Variants in DNAH9 observed in about 807,000 individuals in gnomAD.
The protein encoded by DNAH9 is DNAH9 variant protein.
A neutral mutation model predicts 471.6 loss-of-function variants in DNAH9; 345 were observed. That is an observed-to-expected ratio of 0.73 (90% confidence interval 0.67 to 0.80). The LOEUF (loss-of-function observed/expected upper bound fraction) is 0.80, where lower values mean the gene tolerates loss of function less well. Among genes scored for constraint, DNAH9 ranks in the 30% least tolerant of loss-of-function variants. The pLI is 0.00. For synonymous variants in DNAH9, 2,093 were observed against 2,123.6 expected, an observed-to-expected ratio of 0.99 and a Z score of 0.40; for missense variants, 5,407 against 5,609.2, an observed-to-expected ratio of 0.96 and a Z score of 1.15.
chr17:11,719,367 G>C lies in DNAH9; in HGVS notation c.5586G>C (p.Leu1862=). 6.2e-7 allele frequency: 1 copy of C among 1,614,102 alleles called. No homozygotes were observed. The highest frequency in any genetic ancestry group is 2.2e-5 in the East Asian group (1 of 44,860). The change falls in exon 27 of 69, where the codon CTG becomes CTC. Residue 1862 remains leucine, a synonymous_variant. Transcript: ENST00000262442. ...TCACCCTCACCCAGTCCCTGCACCT[G>C]ACCATGAGTGGGGCTCCCGCAGGAC... ...CYITLTQSLH[L]TMSGAPAGPA... is the part of the protein sequence containing the mutation.
At chr17:11,676,275 C>CTTTTTTTTTTTTTTTT (rs67397847) in intron 17 of DNAH9, among the ~76,000 whole-genome samples, 12 of 73,900 alleles carry the variant, frequency 1.6e-4, no homozygotes, top group Admixed American at 4.0e-4. Context: ...CATTTCTGTT[C>CTTTTTTTTTTTTTTTT]TTTTTTTTTT....
intron 51 of DNAH9, 73 bp from the exon 52 acceptor site, chr17:11,871,525 C>T: frequency 2.1e-6 from 3 of 1,415,618 alleles, no homozygotes; most frequent in Non-Finnish European, 3.0e-6. Context: ...CGGGCGCTCT[C>T]CATGATGGAA....
chr17:11,724,277 A>G (rs747041780), intron 27 of DNAH9, among the ~76,000 whole-genome samples: 8 of 152,126 alleles, frequency 5.3e-5, no homozygotes, highest in Admixed American at 1.3e-4. Flanking sequence ...GTTGAACACT[A>G]TAACTTATTT....
In DNAH9 at chr17:11,750,943, T is replaced by A. The variant is rs528346372; in HGVS notation, c.6611-1890T>A. 3.3e-5 allele frequency among the ~76,000 whole-genome samples: 5 copies of A among 152,020 alleles called. No individual in the cohort carries two copies. In the South Asian group the frequency reaches 1.0e-3, roughly 32 times the overall value. On this transcript the variant is annotated intron_variant, in intron 32 of 68. Transcript: ENST00000262442. ...CTAGGAGGAACACAAACAGATTATA[T>A]AAAAGATAAATAAATGTAAATATTG...
intron 50 of DNAH9, among the ~76,000 whole-genome samples, chr17:11,865,493 G>A (rs1336744370): frequency 2.6e-5 from 4 of 152,096 alleles, no homozygotes. Context: ...TGACAATTAT[G>A]TGTCTTGGAG....
intron 45 of DNAH9, among the ~76,000 whole-genome samples, chr17:11,821,324 A>ATTTT (rs1365875814): frequency 6.7e-6 from 1 of 150,298 alleles, no homozygotes; most frequent in Non-Finnish European, 1.5e-5. Context: ...TCTAACCATA[A>ATTTT]TTTTTTCAGA....
At chr17:11,659,177 A>AT (rs1334826491) in intron 14 of DNAH9, among the ~76,000 whole-genome samples, 2 of 151,498 alleles carry the variant, frequency 1.3e-5, no homozygotes, top group East Asian at 1.9e-4. Flanking sequence ...GACTATTTAG[A>AT]TTTTTTGCCT....
At position 11,933,980 on chromosome 17, in the gene DNAH9, A is replaced by G. The variant is rs1179901826; in HGVS notation, c.12398A>G (p.Glu4133Gly). 8 of 1,613,964 alleles carry G rather than the reference A, an allele frequency of 5.0e-6. No individual in the cohort carries two copies. Among genetic ancestry groups the G allele is most frequent in the Non-Finnish European group, 5.1e-6 (6 of 1,180,016 alleles). Residue 4133 changes from glutamate to glycine, a missense_variant, in exon 65 of 69, where the codon GAA becomes GGA. Glu to Gly is a moderately conservative substitution (Grantham distance 98). Around this residue, in one of 3 missense-constraint regions of DNAH9, gnomAD observed 4,636 missense variants for 4,900.3 expected, o/e 0.95. Transcript: ENST00000262442. ...DRRLCRTYLG[E>G]FIRPEMLEGE... ...AGACTCTGCAGAACCTACCTGGGGG[A>G]ATTCATTCGACCAGAAATGTTAGAA...
chr17:11,776,518 C>T (rs1380815329), intron 38 of DNAH9, among the ~76,000 whole-genome samples: 1 of 152,118 alleles, frequency 6.6e-6, no homozygotes, highest in Non-Finnish European at 1.5e-5. Flanking sequence ...GAAATGGTGT[C>T]CAGCACAGAT....
chr17:11,632,723 G>T lies in DNAH9; in HGVS notation c.1635+20G>T. The stretch of plus-strand genomic sequence containing the variant: ...TTTAAGGTTTGTGTAAATGGGGCAG[G>T]AGCCACTCGGTCCTGGATACTCCCC... On this transcript the variant is annotated intron_variant, in intron 8 of 68. Transcript: ENST00000262442. 1 of 1,249,318 alleles carries T rather than the reference G, an allele frequency of 8.0e-7. No homozygotes were observed. Among genetic ancestry groups the T allele is most frequent in the Non-Finnish European group, 1.2e-6 (1 of 847,814 alleles). The allele number at this position is 1,249,318 out of a possible 1,614,324, so 77.4% of individuals were successfully genotyped here.
At chr17:11,930,205 C>A in intron 63 of DNAH9, 112 bp downstream of exon 63, 1 of 920,328 alleles carries the variant, frequency 1.1e-6, no homozygotes, top group Non-Finnish European at 1.7e-6. Context: ...GGTTGGGCTA[C>A]GGAGCAATGC....
At chr17:11,678,663 T>G (rs2074086302) in intron 17 of DNAH9, among the ~76,000 whole-genome samples, 1 of 96,824 alleles carries the variant, frequency 1.0e-5, no homozygotes, top group African/African-American at 4.8e-5. Context: ...AATTTTAAGA[T>G]TTTTTTTTTC....
At chr17:11,854,570 T>C (rs914328607) in intron 50 of DNAH9, 142 bp downstream of exon 50, 3 of 1,048,830 alleles carry the variant, frequency 2.9e-6, no homozygotes, top group Non-Finnish European at 4.0e-6. Context: ...CATTTTTCAG[T>C]AGAGGCAACT....
At chr17:11,942,266 G>T (rs750108800) in intron 66 of DNAH9, 37 bp from the exon 67 acceptor site, 1 of 1,603,050 alleles carries the variant, frequency 6.2e-7, no homozygotes, top group African/African-American at 1.3e-5. Flanking sequence ...GGAGAATAGA[G>T]CCCTTTCTTA....
chr17:11,944,751 C>A (rs1012625928), intron 67 of DNAH9, among the ~76,000 whole-genome samples: 1 of 152,172 alleles, frequency 6.6e-6, no homozygotes, highest in Admixed American at 6.5e-5. Context: ...CCCATCTCCA[C>A]GCTCCAGTCC....
In DNAH9 at chr17:11,892,945, G is replaced by A. The variant is rs961515513; in HGVS notation, c.11283+998G>A. ...GGGAGCACAGACTAATTATCTCGAA[G>A]GCCCTTTCCTTGAATCTTCTGATCC... On this transcript the variant is annotated intron_variant, in intron 58 of 68. Transcript: ENST00000262442. This position sits in a 1 kb window ranked among gnomAD's most constrained non-coding sequence, Gnocchi z 4.3. Among the ~76,000 whole-genome samples, 15 of 151,932 alleles carry A rather than the reference G, an allele frequency of 9.9e-5. No homozygotes were observed. Among genetic ancestry groups the A allele is most frequent in the African/African-American group, 3.1e-4 (13 of 41,368 alleles).
rs564024586 is a variant in DNAH9, at chr17:11,682,361, C to T, written c.3743+1472C>T. Among the ~76,000 whole-genome samples the T allele has an allele frequency of 3.8e-4, 58 of 152,234 alleles. 1 individual carries two copies. Among genetic ancestry groups the T allele is most frequent in the African/African-American group, 1.3e-3 (55 of 41,542 alleles). The stretch of plus-strand genomic sequence containing the variant: ...GAACTCCTTGGGTTCAAGCAATCCT[C>T]TCACCTCAGCCTCCTGAGTAGCTGG... On this transcript the variant is annotated intron_variant, in intron 19 of 68. Transcript: ENST00000262442.
Position 11,769,179 on chromosome 17 carries a change from A to G in DNAH9, c.7402A>G (p.Met2468Val), listed in dbSNP as rs754756657. 1.2e-6 allele frequency: 2 copies of G among 1,614,140 alleles called. No homozygotes were observed. The highest frequency in any genetic ancestry group is 1.7e-6 in the Non-Finnish European group (2 of 1,180,030). ...IRVCYFMERL[M>V]ARQRPVMLVG... ...TGTGTGCTACTTCATGGAGCGGTTGATGGCGCGGCAGCGGCCTGTCATGCT... is the reference window on the plus strand; with the variant it reads ...TGTGTGCTACTTCATGGAGCGGTTGGTGGCGCGGCAGCGGCCTGTCATGCT... The change falls in exon 38 of 69, where the codon ATG becomes GTG. Residue 2468 changes from methionine to valine, a missense_variant. Met to Val is a conservative substitution (Grantham distance 21). Transcript: ENST00000262442.
At chr17:11,890,850 C>T (rs912598594) in intron 57 of DNAH9, among the ~76,000 whole-genome samples, 10 of 152,076 alleles carry the variant, frequency 6.6e-5, no homozygotes, top group East Asian at 1.9e-4. Flanking sequence ...TCACCATGCC[C>T]GGACAATTTA....
Sources: gnomAD v4.1 joint callset for allele counts (sites outside exome capture counted in the v4.1 genomes callset) on GRCh38, gnomAD v4.1.1 for gene constraint, gnomAD v4.1.1 regional missense constraint, Gnocchi (gnomAD v3.1) non-coding constraint, MANE v1.5 for transcripts, NCBI Gene and HGNC (gene_info 2026-07-23, HGNC 2026-07-21) for gene names.